STX8: variants seen among roughly 807,000 people sequenced by gnomAD.
The protein encoded by STX8 is syntaxin-8.
In STX8, 23 loss-of-function variants were observed where a neutral mutation model predicts 37.5. The observed-to-expected ratio is 0.61, with a 90% CI of 0.44 to 0.87. The LOEUF (loss-of-function observed/expected upper bound fraction) is 0.87. Among genes scored for constraint, STX8 ranks in the 40% least tolerant of loss-of-function variants. STX8 has a pLI of 0.00. For synonymous variants in STX8, 115 were observed against 99.1 expected, an observed-to-expected ratio of 1.16 and a Z score of -0.95; for missense variants, 313 against 284.7, an observed-to-expected ratio of 1.10 and a Z score of -0.71.
intron 6 of STX8, among the ~76,000 whole-genome samples, chr17:9,466,186 T>G (rs1256030405): frequency 3.3e-5 from 5 of 152,210 alleles, no homozygotes; most frequent in Non-Finnish European, 7.3e-5. Flanking sequence ...TTAGCCAGGA[T>G]GGTCTCGATC....
At chr17:9,367,992 A>G (rs567594628) in intron 7 of STX8, among the ~76,000 whole-genome samples, 100 of 147,856 alleles carry the variant, frequency 6.8e-4, no homozygotes, top group African/African-American at 2.4e-3. Flanking sequence ...TCAGCTTCCC[A>G]AAGAGTTGGG....
At chr17:9,377,374 C>T (rs7215371) in intron 7 of STX8, among the ~76,000 whole-genome samples, 27,515 of 151,858 alleles carry the variant, frequency 0.18, 2,699 homozygotes, top group Non-Finnish European at 0.22. Context: ...AATCATGGCT[C>T]ACTGCAGCCT....
chr17:9,496,685 G>GA lies in STX8; in HGVS notation c.449-4765dup, dbSNP rs545517451. Reference sequence around the variant, plus strand: ...TTAAGGTTAAAAATCTGAGACGGGGGATTAGCCTGGATTATCCAGGTGGAT... The same window carrying GA: ...TTAAGGTTAAAAATCTGAGACGGGGGAATTAGCCTGGATTATCCAGGTGGAT... On this transcript the variant is annotated intron_variant, in intron 5 of 7. Coordinates refer to ENST00000306357, the MANE Select transcript of STX8 (RefSeq NM_004853.3). Among the ~76,000 whole-genome samples the GA allele has an allele frequency of 2.2e-4, 34 of 152,290 alleles. No homozygotes were observed. The East Asian group carries it at 6.2e-3, about 28-fold the overall frequency.
rs574499151 is a variant in STX8 at position 9,305,070 on chromosome 17, A to C, written c.644-54425T>G. Among the ~76,000 whole-genome samples the C allele has an allele frequency of 9.2e-5, 14 of 151,918 alleles. No individual in the cohort carries two copies. The East Asian group carries it at 2.7e-3, about 29-fold the overall frequency. On this transcript the variant is annotated intron_variant, in intron 7 of 7. Transcript: ENST00000306357. ...TTCACTTTCGGTATAGTATTCAATAAATTACATGAGATATTAAATATTATT... is the reference window on the plus strand; with the variant it reads ...TTCACTTTCGGTATAGTATTCAATACATTACATGAGATATTAAATATTATT...
intron 7 of STX8, among the ~76,000 whole-genome samples, chr17:9,277,340 C>A (rs1225668947): frequency 2.0e-5 from 3 of 151,784 alleles, no homozygotes; most frequent in Non-Finnish European, 4.4e-5. Flanking sequence ...GAAGGGATAG[C>A]TGGAAATGAT....
At chr17:9,511,068 T>G (rs1313353532) in intron 4 of STX8, among the ~76,000 whole-genome samples, 1 of 152,044 alleles carries the variant, frequency 6.6e-6, no homozygotes, top group Non-Finnish European at 1.5e-5. Flanking sequence ...GAAGAAATTT[T>G]TTTAAAACCT....
intron 6 of STX8, among the ~76,000 whole-genome samples, chr17:9,442,101 G>A (rs568025870): frequency 2.0e-5 from 3 of 152,246 alleles, no homozygotes; most frequent in South Asian, 2.1e-4. Context: ...ACGTGTCTTC[G>A]AACTCAGTGT....
chr17:9,270,967 C>T (rs1460229530), intron 7 of STX8, among the ~76,000 whole-genome samples: 1 of 152,218 alleles, frequency 6.6e-6, no homozygotes, highest in Non-Finnish European at 1.5e-5. Flanking sequence ...CAACTGGGCC[C>T]ATTTTGTATT....
chr17:9,527,156 G>A (rs1435734643), intron 4 of STX8, among the ~76,000 whole-genome samples: 3 of 103,650 alleles, frequency 2.9e-5, no homozygotes. Flanking sequence ...TCCACAGTCC[G>A]GCCTGGGCGA....
intron 6 of STX8, among the ~76,000 whole-genome samples, chr17:9,471,168 TTTTG>T (rs1905848747): frequency 7.0e-6 from 1 of 142,258 alleles, no homozygotes; most frequent in Non-Finnish European, 1.5e-5. Flanking sequence ...TTTTTTTTTT[TTTTG>T]AGACAGTCTC....
intron 2 of STX8, among the ~76,000 whole-genome samples, chr17:9,566,502 T>A (rs1219540163): frequency 6.6e-6 from 1 of 152,162 alleles, no homozygotes; most frequent in African/African-American, 2.4e-5. Flanking sequence ...GACACATGCA[T>A]GTGGCCAGGT....
chr17:9,324,977 G>C (rs1221164274), intron 7 of STX8, among the ~76,000 whole-genome samples: 1 of 152,130 alleles, frequency 6.6e-6, no homozygotes, highest in Non-Finnish European at 1.5e-5. Flanking sequence ...CTAGTGATAT[G>C]TGGTATAGTA....
intron 6 of STX8, among the ~76,000 whole-genome samples, chr17:9,400,589 G>C (rs1180350985): frequency 6.6e-6 from 1 of 151,792 alleles, no homozygotes; most frequent in Admixed American, 6.6e-5. Flanking sequence ...ATTTTTAGTA[G>C]AGACAGGGTT....
intron 4 of STX8, among the ~76,000 whole-genome samples, chr17:9,537,367 C>T (rs189022324): frequency 3.5e-4 from 54 of 152,266 alleles, no homozygotes; most frequent in Non-Finnish European, 5.0e-4. Context: ...GCATAGAAGA[C>T]AGATGTGAGT....
Position 9,273,898 on chromosome 17 carries a change from T to C in STX8, c.644-23253A>G, listed in dbSNP as rs1307995580. 2.0e-5 allele frequency among the ~76,000 whole-genome samples: 3 copies of C among 152,276 alleles called. No individual in the cohort carries two copies. The East Asian group carries it at 5.8e-4, about 29-fold the overall frequency. On this transcript the variant is annotated intron_variant, in intron 7 of 7. Coordinates refer to ENST00000306357, the MANE Select transcript of STX8 (RefSeq NM_004853.3). ...TAGTCTAACATGCTCTGCCGTCTGC[T>C]CTCAGTGGTCCCTTCTGACAGTTTC...
At chr17:9,414,476 A>T (rs926941081) in intron 6 of STX8, among the ~76,000 whole-genome samples, 6 of 152,218 alleles carry the variant, frequency 3.9e-5, no homozygotes, top group African/African-American at 1.4e-4. Flanking sequence ...TCTTATTCTC[A>T]ATGTCATACT....
intron 7 of STX8, among the ~76,000 whole-genome samples, chr17:9,254,348 C>G (rs1010921715): frequency 2.6e-5 from 4 of 152,130 alleles, no homozygotes; most frequent in Non-Finnish European, 5.9e-5. Flanking sequence ...TCTTTGTCAT[C>G]CTCCAGTTAC....
intron 4 of STX8, among the ~76,000 whole-genome samples, chr17:9,505,482 C>T (rs1302446592): frequency 6.6e-6 from 1 of 152,150 alleles, no homozygotes; most frequent in Non-Finnish European, 1.5e-5. Context: ...TCTTAAATTT[C>T]AAAAACAGAA....
At chr17:9,344,751 T>C (rs1045287096) in intron 7 of STX8, among the ~76,000 whole-genome samples, 2 of 152,180 alleles carry the variant, frequency 1.3e-5, no homozygotes, top group Non-Finnish European at 2.9e-5. Context: ...GTTTCCCTAC[T>C]ATGGATGATT....
Sources: allele counts gnomAD v4.1 joint callset (sites outside exome capture counted in the v4.1 genomes callset), GRCh38; gene constraint gnomAD v4.1.1; transcripts MANE v1.5; gene names NCBI Gene and HGNC (gene_info 2026-07-23, HGNC 2026-07-21).